The following INPP4B variants were observed in gnomAD, a reference collection of about 807,000 sequenced individuals.
The protein encoded by INPP4B is inositol polyphosphate-4-phosphatase type II B.
INPP4B carries 55 observed loss-of-function variants against 122.5 expected under a neutral mutation model. That is an observed-to-expected ratio of 0.45 (90% CI 0.36 to 0.56). The LOEUF is 0.56. Ranked by LOEUF, INPP4B falls within the 20% of genes least tolerant of loss-of-function variation. INPP4B has a pLI of 0.00. For synonymous variants in INPP4B, 403 were observed against 388.7 expected (o/e 1.04, Z -0.43); for missense variants, 1,000 against 1,097.7 (o/e 0.91, Z 1.26).
At chr4:142,199,795 G>C (rs1302463090) in intron 14 of INPP4B, among the ~76,000 whole-genome samples, 3 of 151,970 alleles carry the variant, frequency 2.0e-5, no homozygotes, top group Admixed American at 6.6e-5. Flanking sequence ...CAGAGGTGAT[G>C]TACCCTTCTC....
intron 2 of INPP4B, among the ~76,000 whole-genome samples, chr4:142,630,163 C>G (rs1747617807): frequency 6.6e-6 from 1 of 152,076 alleles, no homozygotes; most frequent in Non-Finnish European, 1.5e-5. Flanking sequence ...AATTCAGCAT[C>G]TAAAGAACAG....
At chr4:142,576,151 A>G (rs1733783380) in intron 2 of INPP4B, among the ~76,000 whole-genome samples, 1 of 152,024 alleles carries the variant, frequency 6.6e-6, no homozygotes, top group Non-Finnish European at 1.5e-5. Context: ...AGCTTCTAAT[A>G]TGCACCAAAT....
At chr4:142,468,303 T>C (rs902931221) in intron 2 of INPP4B, among the ~76,000 whole-genome samples, 1 of 152,168 alleles carries the variant, frequency 6.6e-6, no homozygotes, top group Non-Finnish European at 1.5e-5. Flanking sequence ...ATAGCCTGAA[T>C]AACTCCAGGT....
At chr4:142,735,729 T>A (rs1235277899) in intron 1 of INPP4B, among the ~76,000 whole-genome samples, 1 of 152,220 alleles carries the variant, frequency 6.6e-6, no homozygotes, top group Non-Finnish European at 1.5e-5. Context: ...TATTAGAATG[T>A]ATTCTTCTTA....
intron 9 of INPP4B, among the ~76,000 whole-genome samples, chr4:142,304,264 A>C (rs1762546478): frequency 6.6e-6 from 1 of 152,130 alleles, no homozygotes; most frequent in Admixed American, 6.6e-5. Context: ...TTTACACCTC[A>C]AACTGAAAAC....
chr4:142,526,217 T>G (rs745718354), intron 2 of INPP4B, among the ~76,000 whole-genome samples: 63 of 152,070 alleles, frequency 4.1e-4, no homozygotes, highest in Non-Finnish European at 6.8e-4. Context: ...AAGAACATGC[T>G]GTATCTATAC....
At chr4:142,404,749 A>G (rs1579969327) in intron 6 of INPP4B, among the ~76,000 whole-genome samples, 1 of 152,154 alleles carries the variant, frequency 6.6e-6, no homozygotes. Context: ...ACCGGGGGGA[A>G]AAAAAGCAAA....
At chr4:142,640,595 A>G (rs1580589326) in intron 2 of INPP4B, among the ~76,000 whole-genome samples, 1 of 152,094 alleles carries the variant, frequency 6.6e-6, no homozygotes, top group East Asian at 1.9e-4. Context: ...TTTAAAAAGC[A>G]CCAAACATAA....
At chr4:142,360,785 G>A (rs1174979628) in intron 7 of INPP4B, among the ~76,000 whole-genome samples, 1 of 151,860 alleles carries the variant, frequency 6.6e-6, no homozygotes, top group Non-Finnish European at 1.5e-5. Flanking sequence ...CAAAAATAGT[G>A]ATTATCATTT....
chr4:142,318,372 A>T (rs563388910), intron 7 of INPP4B, among the ~76,000 whole-genome samples: 97 of 152,276 alleles, frequency 6.4e-4, no homozygotes, highest in African/African-American at 2.2e-3. Flanking sequence ...ACTGATTTAG[A>T]TGAGACCTCT....
chr4:142,335,108 G>GAAAAAAAAAAA lies in INPP4B; in HGVS notation c.373-20357_373-20347dup, dbSNP rs36074851. Among the ~76,000 whole-genome samples, 25 of 65,114 alleles carry GAAAAAAAAAAA rather than the reference G, an allele frequency of 3.8e-4. 1 individual carries two copies. Among genetic ancestry groups the GAAAAAAAAAAA allele is most frequent in the African/African-American group, 1.7e-3 (25 of 14,858 alleles). 42.7% of individuals were successfully genotyped at this position (65,114 alleles called of 152,430 possible). A position where few individuals can be genotyped will look rare whatever the true frequency, so the allele number is the denominator to read the frequency against. ...CTGTCTGCTACTTCCTGGGAAAAAT[G>GAAAAAAAAAAA]AAAAAAAAAAAAAAAAAAAAAAAAG... On this transcript the variant is annotated intron_variant, in intron 7 of 25. Transcript: ENST00000262992.
chr4:142,601,600 C>T (rs1739936883), intron 2 of INPP4B, among the ~76,000 whole-genome samples: 1 of 145,058 alleles, frequency 6.9e-6, no homozygotes, highest in Admixed American at 6.8e-5. Context: ...AAAAAAAAGA[C>T]CAGAAAGATT....
chr4:142,281,252 ACC>A (rs1751065508), intron 9 of INPP4B, among the ~76,000 whole-genome samples: 1 of 151,818 alleles, frequency 6.6e-6, no homozygotes, highest in African/African-American at 2.4e-5. Flanking sequence ...GACTGGGAAT[ACC>A]TGACTTCCTG....
rs1554002797 is a variant in INPP4B at position 142,747,875 on chromosome 4, T to TC, written c.-253-21975_-253-21974insG. On this transcript the variant is annotated intron_variant, in intron 1 of 25. Coordinates refer to ENST00000262992, the MANE Select transcript of INPP4B (RefSeq NM_001101669.3). The stretch of plus-strand genomic sequence containing the variant: ...TCACATACCAGGGCCTGTCAAGGGG[T>TC]GGGGGAGCTGGGGAAGGGATACCAT... Among the ~76,000 whole-genome samples, 17 of 151,384 alleles carry TC rather than the reference T, an allele frequency of 1.1e-4. No individual in the cohort carries two copies. In the South Asian group the frequency reaches 3.4e-3, roughly 30 times the overall value.
chr4:142,451,540 C>T (rs747953990), intron 3 of INPP4B, among the ~76,000 whole-genome samples: 27 of 152,054 alleles, frequency 1.8e-4, no homozygotes, highest in Non-Finnish European at 2.5e-4. Flanking sequence ...CGTGAGCCAC[C>T]GCTCCCAGCC....
chr4:142,599,363 A>G (rs141672584), intron 2 of INPP4B, among the ~76,000 whole-genome samples: 346 of 152,324 alleles, frequency 2.3e-3, no homozygotes, highest in African/African-American at 7.7e-3. Context: ...GATTCACCAT[A>G]GCCTTCATTA....
chr4:142,845,761 T>A (rs1332489981), intron 1 of INPP4B, among the ~76,000 whole-genome samples: 1 of 151,226 alleles, frequency 6.6e-6, no homozygotes, highest in Admixed American at 6.6e-5. Flanking sequence ...GGCGGCAGCT[T>A]GCGATCATCA....
intron 12 of INPP4B, among the ~76,000 whole-genome samples, chr4:142,222,855 T>C (rs1357464754): frequency 6.6e-6 from 1 of 152,186 alleles, no homozygotes; most frequent in Non-Finnish European, 1.5e-5. Context: ...AGACTCAAGA[T>C]TTGTATCTGA....
At chr4:142,784,293 G>A (rs1331768334) in intron 1 of INPP4B, among the ~76,000 whole-genome samples, 1 of 151,806 alleles carries the variant, frequency 6.6e-6, no homozygotes, top group African/African-American at 2.4e-5. Context: ...AACCCAGGAA[G>A]AGGAGGCTGT....
Sources: allele counts gnomAD v4.1 joint callset (sites outside exome capture counted in the v4.1 genomes callset), GRCh38; gene constraint gnomAD v4.1.1; transcripts MANE v1.5; gene names NCBI Gene and HGNC (gene_info 2026-07-23, HGNC 2026-07-21).